Variants in ARIH2 observed in about 807,000 individuals in gnomAD.
The protein encoded by ARIH2 is ariadne RBR E3 ubiquitin protein ligase 2, also known as E3 ubiquitin-protein ligase ARIH2.
ARIH2 carries 12 observed loss-of-function variants against 79.8 expected under a neutral mutation model. The ratio of observed to expected loss-of-function variants is 0.15; its 90% CI spans 0.10 to 0.24. ARIH2 has a LOEUF of 0.24. Among genes scored for constraint, ARIH2 ranks in the 10% least tolerant of loss-of-function variants. The pLI, the probability that ARIH2 is intolerant of heterozygous loss-of-function variation, is 1.00. For synonymous variants in ARIH2, 224 were observed against 213.9 expected (o/e 1.05, Z -0.41); for missense variants, 301 against 618.3 (o/e 0.49, Z 5.44).
At chr3:48,969,043 G>A (rs754407193) in intron 7 of ARIH2, among the ~76,000 whole-genome samples, 8 of 151,858 alleles carry the variant, frequency 5.3e-5, no homozygotes, top group African/African-American at 1.2e-4. Context: ...ACCACCACTC[G>A]CAGCTAATTT....
intron 3 of ARIH2, among the ~76,000 whole-genome samples, chr3:48,947,396 G>A (rs938900503): frequency 5.5e-5 from 8 of 146,178 alleles, no homozygotes; most frequent in South Asian, 2.1e-4. Flanking sequence ...AGCCAAGATC[G>A]TGCCATTGCA....
chr3:48,963,122 G>GTTGTGTT, intron 4 of ARIH2, among the ~76,000 whole-genome samples: 1 of 152,292 alleles, frequency 6.6e-6, no homozygotes, highest in East Asian at 1.9e-4. Context: ...GGACATACCA[G>GTTGTGTT]CTGGAGCAGC....
Position 48,956,439 on chromosome 3 carries a change from C to CTTTTTTTTT in ARIH2, c.256-5147_256-5139dup, listed in dbSNP as rs34693818. 2.5e-4 allele frequency among the ~76,000 whole-genome samples: 9 copies of CTTTTTTTTT among 36,258 alleles called. 2 individuals carry two copies. Among genetic ancestry groups the CTTTTTTTTT allele is most frequent in the Non-Finnish European group, 4.1e-4 (8 of 19,454 alleles). 23.8% of individuals were successfully genotyped at this position (36,258 alleles called of 152,430 possible). A position where few individuals can be genotyped will look rare whatever the true frequency, so the allele number is the denominator to read the frequency against. On this transcript the variant is annotated intron_variant, in intron 3 of 15. Transcript: ENST00000356401. The stretch of plus-strand genomic sequence containing the variant: ...CAGACGTGAGCCACTGCGCCCGGCA[C>CTTTTTTTTT]TTTTTTTTTTTTTTTTTTTTTTTTT...
chr3:48,951,304 T>C (rs1354955639), intron 3 of ARIH2, among the ~76,000 whole-genome samples: 1 of 152,126 alleles, frequency 6.6e-6, no homozygotes, highest in Non-Finnish European at 1.5e-5. Context: ...CATAAATTCA[T>C]TTATTAGTGT....
chr3:48,937,799 G>C (rs1229823679), intron 3 of ARIH2, among the ~76,000 whole-genome samples: 1 of 152,104 alleles, frequency 6.6e-6, no homozygotes, highest in Non-Finnish European at 1.5e-5. Context: ...TGTAATCCCA[G>C]CACTTTGGGA....
intron 3 of ARIH2, among the ~76,000 whole-genome samples, chr3:48,937,526 T>C (rs986293238): frequency 6.6e-6 from 1 of 152,178 alleles, no homozygotes; most frequent in Admixed American, 6.5e-5. Context: ...ATAAACTCTT[T>C]GAGATAGAGG....
intron 5 of ARIH2, among the ~76,000 whole-genome samples, chr3:48,966,845 G>A (rs756632448): frequency 1.4e-4 from 22 of 152,148 alleles, no homozygotes; most frequent in Non-Finnish European, 1.5e-4. Flanking sequence ...TTTTCAGTCT[G>A]CCATTATAAA....
At chr3:48,947,052 C>T (rs1308278235) in intron 3 of ARIH2, among the ~76,000 whole-genome samples, 3 of 119,918 alleles carry the variant, frequency 2.5e-5, no homozygotes, top group Non-Finnish European at 5.2e-5. Flanking sequence ...GGCCTAAAAG[C>T]TGTGCCTGTG....
Position 48,983,396 on chromosome 3 carries a change from C to G in ARIH2, c.*126C>G. ...CAGCCAGGGCCCCACTCCTGAGAGA[C>G]ACTGGCAACACCTCTTAGTTGATTT... On this transcript the variant is annotated 3_prime_UTR_variant, in exon 16 of 16. Coordinates refer to ENST00000356401, the MANE Select transcript of ARIH2 (RefSeq NM_006321.4). 4.9e-6 allele frequency: 4 copies of G among 816,032 alleles called. No individual in the cohort carries two copies. The highest frequency in any genetic ancestry group is 8.3e-6 in the Non-Finnish European group (4 of 480,362). The allele number at this position is 816,032 out of a possible 1,614,324, so 50.5% of individuals were successfully genotyped here.
chr3:48,936,689 C>T (rs1183710511), intron 3 of ARIH2, among the ~76,000 whole-genome samples: 5 of 151,888 alleles, frequency 3.3e-5, no homozygotes, highest in African/African-American at 1.2e-4. Context: ...GCCAAGATTG[C>T]ACCACTGCAC....
intron 3 of ARIH2, chr3:48,949,070 C>G (rs774059116): frequency 4.4e-6 from 2 of 456,616 alleles, no homozygotes; most frequent in South Asian, 1.5e-5. Flanking sequence ...GTATAGATAA[C>G]TAGGAGTGGG....
chr3:48,955,280 A>C lies in ARIH2; in HGVS notation c.256-6332A>C, dbSNP rs201888394. Reference sequence around the variant, plus strand: ...TACATGTTGATCTAATAGAACTGCAAGTTTCTTCTGAACACCACATTGGTC... The same window carrying C: ...TACATGTTGATCTAATAGAACTGCACGTTTCTTCTGAACACCACATTGGTC... On this transcript the variant is annotated intron_variant, in intron 3 of 15. Coordinates refer to ENST00000356401, the MANE Select transcript of ARIH2 (RefSeq NM_006321.4). 2.6e-5 allele frequency among the ~76,000 whole-genome samples: 4 copies of C among 152,234 alleles called. No homozygotes were observed. In the East Asian group the frequency reaches 7.7e-4, roughly 29 times the overall value.
At chr3:48,927,858 C>CT (rs749978200) in intron 3 of ARIH2, 45 bp downstream of exon 3, 5 of 1,596,698 alleles carry the variant, frequency 3.1e-6, no homozygotes, top group Non-Finnish European at 4.3e-6. Context: ...CCAGTTAAAT[C>CT]TAAGGATGAG....
chr3:48,949,101 G>A, intron 3 of ARIH2: 2 of 433,276 alleles, frequency 4.6e-6, no homozygotes, highest in South Asian at 1.6e-5. Flanking sequence ...CACATGGTAA[G>A]TGTATGTTTA....
At chr3:48,936,070 A>G (rs1024056186) in intron 3 of ARIH2, among the ~76,000 whole-genome samples, 9 of 152,216 alleles carry the variant, frequency 5.9e-5, no homozygotes, top group South Asian at 2.1e-4. Context: ...TTGTACCTGT[A>G]TTTGTGGTTG....
intron 14 of ARIH2, 91 bp downstream of exon 14, chr3:48,981,819 T>G: frequency 9.2e-7 from 1 of 1,087,514 alleles, no homozygotes; most frequent in South Asian, 1.3e-5. Context: ...GACCAGACCT[T>G]GGTCATTGGG....
intron 4 of ARIH2, among the ~76,000 whole-genome samples, chr3:48,964,415 G>A (rs1156648627): frequency 2.6e-5 from 4 of 151,466 alleles, no homozygotes; most frequent in African/African-American, 9.7e-5. Flanking sequence ...TCCCGGGTTC[G>A]AACGATTCTC....
chr3:48,970,863 C>T lies in ARIH2; in HGVS notation c.770+159C>T. On this transcript the variant is annotated intron_variant, in intron 8 of 15. Coordinates refer to ENST00000356401, the MANE Select transcript of ARIH2 (RefSeq NM_006321.4). Reference sequence around the variant, plus strand: ...GTGGGTAGGTTTATGTCCAGCATCTCATATTCCACTAGGTCTTCAATACAT... The same window carrying T: ...GTGGGTAGGTTTATGTCCAGCATCTTATATTCCACTAGGTCTTCAATACAT... 4 of 570,494 alleles carry T rather than the reference C, an allele frequency of 7.0e-6. No individual in the cohort carries two copies. The South Asian group carries it at 8.0e-5, about 11-fold the overall frequency. 35.3% of individuals were successfully genotyped at this position (570,494 alleles called of 1,614,324 possible).
chr3:48,931,594 C>CA lies in ARIH2; in HGVS notation c.255+3789dup, dbSNP rs200793029. 4.8e-4 allele frequency among the ~76,000 whole-genome samples: 72 copies of CA among 151,566 alleles called. 1 individual carries two copies. Among genetic ancestry groups the CA allele is most frequent in the South Asian group, 2.1e-4 (1 of 4,792 alleles). On this transcript the variant is annotated intron_variant, in intron 3 of 15. Transcript: ENST00000356401. The stretch of plus-strand genomic sequence containing the variant: ...ATTTTTAAGTGGACTCAAAAAGCTG[C>CA]AAAAAAAATTTTTTTTTAAGATACA...
Sources: gnomAD v4.1 joint callset for allele counts (sites outside exome capture counted in the v4.1 genomes callset) on GRCh38, gnomAD v4.1.1 for gene constraint, MANE v1.5 for transcripts, NCBI Gene and HGNC (gene_info 2026-07-23, HGNC 2026-07-21) for gene names.